SYNPR: variants seen among roughly 807,000 people sequenced by gnomAD.
SYNPR encodes synaptoporin.
In SYNPR, 23 loss-of-function variants were observed where a neutral mutation model predicts 32.9. The observed-to-expected ratio is 0.70, with a 90% CI of 0.50 to 0.99. The LOEUF is 0.99. Ranked by LOEUF, SYNPR falls within the 50% of genes least tolerant of loss-of-function variation. The pLI is 0.00. For synonymous variants in SYNPR, 146 were observed against 135.9 expected, an observed-to-expected ratio of 1.07 and a Z score of -0.52; for missense variants, 318 against 349.3, an observed-to-expected ratio of 0.91 and a Z score of 0.71.
chr3:63,555,707 A>T (rs114229249), intron 3 of SYNPR, among the ~76,000 whole-genome samples: 7,853 of 152,256 alleles, frequency 0.052, 269 homozygotes, highest in Non-Finnish European at 0.07. Context: ...GCATTCATTT[A>T]TCCAAGTACT....
At position 63,422,246 on chromosome 3, in the gene SYNPR, A is replaced by T. The variant is rs1699812336; in HGVS notation, c.85-58586A>T. ...GCAGTCTCATTTTATCAGTGTTCTTAACTACTTTCTACATTGCTATGTGTT... is the reference window on the plus strand; with the variant it reads ...GCAGTCTCATTTTATCAGTGTTCTTTACTACTTTCTACATTGCTATGTGTT... On this transcript the variant is annotated intron_variant, in intron 2 of 5. Coordinates refer to ENST00000478300, the MANE Select transcript of SYNPR (RefSeq NM_001130003.2). Among the ~76,000 whole-genome samples, 2 of 152,214 alleles carry T rather than the reference A, an allele frequency of 1.3e-5. 1 individual carries two copies. Among genetic ancestry groups the T allele is most frequent in the South Asian group, 4.1e-4 (2 of 4,826 alleles).
At chr3:63,441,689 G>C (rs1385436843) in intron 2 of SYNPR, among the ~76,000 whole-genome samples, 1 of 152,218 alleles carries the variant, frequency 6.6e-6, no homozygotes, top group African/African-American at 2.4e-5. Context: ...GGTGGCCACA[G>C]GGGAGTGGGG....
chr3:63,394,451 C>T (rs2107089835), intron 2 of SYNPR, among the ~76,000 whole-genome samples: 1 of 152,258 alleles, frequency 6.6e-6, no homozygotes, highest in Non-Finnish European at 1.5e-5. Context: ...CTGGTTTGGT[C>T]CCTGAGCACA....
chr3:63,601,580 T>G (rs1337942888), intron 4 of SYNPR, among the ~76,000 whole-genome samples: 1 of 152,178 alleles, frequency 6.6e-6, no homozygotes, highest in African/African-American at 2.4e-5. Context: ...CTCCCACTTT[T>G]AAGTGAGAAC....
chr3:63,219,756 G>T, the SYNPR span, among the ~76,000 whole-genome samples: 1 of 152,122 alleles, frequency 6.6e-6, no homozygotes, highest in Non-Finnish European at 1.5e-5. Context: ...CATAATGAAG[G>T]TCTTCATTCT....
At chr3:63,340,153 A>T (rs1482392602) in intron 2 of SYNPR, among the ~76,000 whole-genome samples, 1 of 152,140 alleles carries the variant, frequency 6.6e-6, no homozygotes, top group African/African-American at 2.4e-5. Context: ...TTATTTTTTT[A>T]ATATTGCTGA....
chr3:63,587,650 T>G (rs1463063373), intron 4 of SYNPR, among the ~76,000 whole-genome samples: 4 of 152,116 alleles, frequency 2.6e-5, no homozygotes, highest in Non-Finnish European at 2.9e-5. Flanking sequence ...GGATCTTACT[T>G]GATTCAGAAG....
At chr3:63,559,191 C>G (rs755630697) in intron 4 of SYNPR, among the ~76,000 whole-genome samples, 3 of 151,786 alleles carry the variant, frequency 2.0e-5, no homozygotes, top group South Asian at 2.1e-4. Context: ...CCTCAGCCCC[C>G]CAAGCTCCCA....
At chr3:63,446,476 G>A (rs935794) in intron 2 of SYNPR, among the ~76,000 whole-genome samples, 101,374 of 151,694 alleles carry the variant, frequency 0.67, 34,069 homozygotes, top group South Asian at 0.75. Flanking sequence ...CTGAGCAGTG[G>A]GCTCCCCATT....
At chr3:63,408,616 G>T (rs1279243811) in intron 2 of SYNPR, among the ~76,000 whole-genome samples, 1 of 152,236 alleles carries the variant, frequency 6.6e-6, no homozygotes, top group South Asian at 2.1e-4. Context: ...TGGAGAACCT[G>T]GAATTCTGAT....
intron 4 of SYNPR, among the ~76,000 whole-genome samples, chr3:63,595,937 T>A (rs866047121): frequency 1.9e-4 from 14 of 72,440 alleles, no homozygotes; most frequent in African/African-American, 7.1e-4. Flanking sequence ...ATATATAGTT[T>A]TATATATATA....
At chr3:63,440,044 A>C (rs1700140852) in intron 2 of SYNPR, among the ~76,000 whole-genome samples, 1 of 152,222 alleles carries the variant, frequency 6.6e-6, no homozygotes, top group Non-Finnish European at 1.5e-5. Context: ...TGAACAAATA[A>C]ATAAGCAAGA....
chr3:63,586,654 A>ATGTGTGTGTG (rs10530383), intron 4 of SYNPR, among the ~76,000 whole-genome samples: 2,692 of 143,626 alleles, frequency 0.019, 86 homozygotes, highest in African/African-American at 0.058. Context: ...TGCAGATTCA[A>ATGTGTGTGTG]TGTGTGTGTG....
intron 4 of SYNPR, among the ~76,000 whole-genome samples, chr3:63,602,185 C>T (rs556102518): frequency 6.6e-6 from 1 of 151,764 alleles, no homozygotes; most frequent in Non-Finnish European, 1.5e-5. Context: ...CACTTTTTAA[C>T]GGGGTTCTTT....
intron 2 of SYNPR, among the ~76,000 whole-genome samples, chr3:63,441,329 A>G (rs13065983): frequency 0.64 from 97,532 of 151,978 alleles, 31,754 homozygotes; most frequent in East Asian, 0.9. Context: ...TTGCAATGGG[A>G]CTCTTAATAT....
intron 4 of SYNPR, among the ~76,000 whole-genome samples, chr3:63,593,391 T>C (rs761372506): frequency 1.6e-4 from 24 of 152,126 alleles, no homozygotes; most frequent in Non-Finnish European, 2.9e-4. Flanking sequence ...TTTGCATCTA[T>C]TCTGAGTTCA....
At chr3:63,408,889 A>G (rs935988603) in intron 2 of SYNPR, among the ~76,000 whole-genome samples, 2 of 152,110 alleles carry the variant, frequency 1.3e-5, no homozygotes, top group Non-Finnish European at 2.9e-5. Flanking sequence ...CCTAAAGTTA[A>G]CAGTTGCCCA....
chr3:63,267,068 T>C (rs866415326), intron 2 of SYNPR, among the ~76,000 whole-genome samples: 1 of 152,146 alleles, frequency 6.6e-6, no homozygotes, highest in Non-Finnish European at 1.5e-5. Flanking sequence ...TGTGCAAAGT[T>C]ATAGAAGTGC....
chr3:63,294,721 T>C (rs2086775899), intron 2 of SYNPR, among the ~76,000 whole-genome samples: 1 of 152,100 alleles, frequency 6.6e-6, no homozygotes, highest in Admixed American at 6.6e-5. Context: ...TTATAAATCT[T>C]TCATAAGCTA....
Sources: allele counts gnomAD v4.1 joint callset (sites outside exome capture counted in the v4.1 genomes callset), GRCh38; gene constraint gnomAD v4.1.1; transcripts MANE v1.5; gene names NCBI Gene and HGNC (gene_info 2026-07-23, HGNC 2026-07-21).